The following CLIP3 variants were observed in gnomAD, a reference collection of about 807,000 sequenced individuals.
CLIP3 encodes the protein CAP-Gly domain containing linker protein 3.
A neutral mutation model predicts 59.4 loss-of-function variants in CLIP3; 15 were observed. That is an observed-to-expected ratio of 0.25 (90% CI 0.17 to 0.39). The LOEUF (loss-of-function observed/expected upper bound fraction) is 0.39. Ranked by LOEUF, CLIP3 falls within the 10% of genes least tolerant of loss-of-function variation. The pLI is 1.00. For missense variants in CLIP3, 495 were observed against 765.7 expected, an observed-to-expected ratio of 0.65 and a Z score of 4.17; for synonymous variants, 300 against 321.6, an observed-to-expected ratio of 0.93 and a Z score of 0.72.
intron 7 of CLIP3, among the ~76,000 whole-genome samples, chr19:36,021,886 AT>A (rs1369484218): frequency 2.0e-5 from 3 of 149,976 alleles, no homozygotes; most frequent in Non-Finnish European, 3.0e-5. Context: ...TTATTTATTT[AT>A]TTTTTTTTGG....
rs1262183067 is a variant in CLIP3 at position 36,016,006 on chromosome 19, A to T, written c.*152T>A. ...GGGGGTTATTATGGGAGTATCTGTT[A>T]ATAATGGGGCCTCAATGATCGAGGG... On this transcript the variant is annotated 3_prime_UTR_variant, in exon 14 of 14. Transcript: ENST00000360535. The surrounding 1 kb of genome is among the most constrained non-coding windows in gnomAD (Gnocchi z 4.1). 3 of 749,152 alleles carry T rather than the reference A, an allele frequency of 4.0e-6. No homozygotes were observed. The highest frequency in any genetic ancestry group is 7.0e-6 in the Non-Finnish European group (3 of 430,278). The allele number at this position is 749,152 out of a possible 1,614,324, so 46.4% of individuals were successfully genotyped here. A position where few individuals can be genotyped will look rare whatever the true frequency, so the allele number is the denominator to read the frequency against.
At chr19:36,030,319 C>T (rs766796147) in intron 2 of CLIP3, among the ~76,000 whole-genome samples, 18 of 152,156 alleles carry the variant, frequency 1.2e-4, no homozygotes, top group Admixed American at 6.6e-4. Flanking sequence ...TCCTAGAGTG[C>T]TAGGATTATA....
At position 36,016,290 on chromosome 19, in the gene CLIP3, C is replaced by A. The variant is rs1968797639; in HGVS notation, c.1590-78G>T. The A allele has an allele frequency of 6.5e-7, 1 of 1,532,874 alleles. No homozygotes were observed. Among genetic ancestry groups the A allele is most frequent in the East Asian group, 2.3e-5 (1 of 43,910 alleles). 95.0% of individuals were successfully genotyped at this position (1,532,874 alleles called of 1,614,324 possible). A position where few individuals can be genotyped will look rare whatever the true frequency, so the allele number is the denominator to read the frequency against. On this transcript the variant is annotated intron_variant, in intron 13 of 13. Transcript: ENST00000360535. This position sits in a 1 kb window ranked among gnomAD's most constrained non-coding sequence, Gnocchi z 4.1. ...GCACCCATCACCCCCAGCCTTTCCC[C>A]CAGTGTTTGCTATCAGGCCTTTCTG... is the stretch of plus-strand genomic sequence containing the variant.
chr19:36,020,091 G>A (rs2145393796), intron 7 of CLIP3, among the ~76,000 whole-genome samples: 1 of 151,868 alleles, frequency 6.6e-6, no homozygotes, highest in Non-Finnish European at 1.5e-5. Flanking sequence ...CTCTATAAAA[G>A]AAAGAAAAAA....
chr19:36,026,329 C>G lies in CLIP3; in HGVS notation c.563-64G>C, dbSNP rs971976041. 2.1e-6 allele frequency: 3 copies of G among 1,412,050 alleles called. No individual in the cohort carries two copies. The allele number at this position is 1,412,050 out of a possible 1,614,324, so 87.5% of individuals were successfully genotyped here. On this transcript the variant is annotated intron_variant, in intron 5 of 13. Transcript: ENST00000360535. The surrounding 1 kb of genome is among the most constrained non-coding windows in gnomAD (Gnocchi z 6.3). The stretch of plus-strand genomic sequence containing the variant: ...TGTGGGACCCCAGCCCTCCTCCCAC[C>G]TCGGGGCTCATCTCTTAACTTGCAG...
chr19:36,028,364 A>C (rs1462507945), intron 2 of CLIP3, among the ~76,000 whole-genome samples: 1 of 152,106 alleles, frequency 6.6e-6, no homozygotes, highest in African/African-American at 2.4e-5. Flanking sequence ...AATAAATAAA[A>C]ATGAAAATAA....
In CLIP3 at chr19:36,019,157, G is replaced by C. The variant is rs370537080; in HGVS notation, c.1054+14C>G. 1.9e-6 allele frequency: 3 copies of C among 1,613,832 alleles called. No homozygotes were observed. The highest frequency in any genetic ancestry group is 1.7e-4 in the Middle Eastern group (1 of 6,060). On this transcript the variant is annotated intron_variant, in intron 8 of 13. Coordinates refer to ENST00000360535, the MANE Select transcript of CLIP3 (RefSeq NM_015526.3). ...ACCCAGCCACACCCCTCTTGGGCCC[G>C]AGGTCGGACTAACCCTGCTTGGGAG... is the stretch of plus-strand genomic sequence containing the variant.
In CLIP3 at chr19:36,024,645, G is replaced by C. The variant is rs1202963644; in HGVS notation, c.682-13C>G. The C allele has an allele frequency of 1.2e-6, 2 of 1,612,340 alleles. No homozygotes were observed. Among genetic ancestry groups the C allele is most frequent in the African/African-American group, 1.3e-5 (1 of 74,912 alleles). ...GTCCTTTTCGATTCTGGGGGCCAAT[G>C]GGAAAAGAAGGCAGGGACTCAGTGG... On this transcript the variant is annotated splice_polypyrimidine_tract_variant and intron_variant, in intron 6 of 13. Transcript: ENST00000360535.
At chr19:36,031,023 C>CTTTTTTTTT (rs55762943) in intron 2 of CLIP3, among the ~76,000 whole-genome samples, 106 of 80,166 alleles carry the variant, frequency 1.3e-3, no homozygotes, top group African/African-American at 4.5e-3. Context: ...TTTTTTTTTT[C>CTTTTTTTTT]TTTTTTTTTT....
intron 7 of CLIP3, among the ~76,000 whole-genome samples, chr19:36,022,696 G>A (rs1599697868): frequency 2.0e-5 from 3 of 151,914 alleles, no homozygotes; most frequent in African/African-American, 7.3e-5. Context: ...CAAGGCGGGC[G>A]AATCGCTTGA....
intron 2 of CLIP3, among the ~76,000 whole-genome samples, chr19:36,030,460 C>T (rs1490547883): frequency 6.6e-6 from 1 of 152,178 alleles, no homozygotes; most frequent in Non-Finnish European, 1.5e-5. Context: ...ATCCTGGCAA[C>T]GCTGACTCTC....
Position 36,026,742 on chromosome 19 carries a change from G to A in CLIP3, c.406C>T (p.Pro136Ser). The A allele has an allele frequency of 6.3e-7, 1 of 1,595,626 alleles. No individual in the cohort carries two copies. The highest frequency in any genetic ancestry group is 8.5e-7 in the Non-Finnish European group (1 of 1,175,040). ...TGCGAGAGGCGCACGGCTGCCGCGG[G>A]GTCCCCTGCGCGATAGGCCGGGTCA... is the stretch of plus-strand genomic sequence containing the variant. ...CKAGAHGVGD[P>S]AAAVRLSQQL... is the part of the protein sequence containing the mutation. The change falls in exon 5 of 14, where the codon CCC (proline) becomes TCC (serine). Residue 136 changes from proline to serine, a missense_variant. Coordinates refer to ENST00000360535, the MANE Select transcript of CLIP3 (RefSeq NM_015526.3). This position sits in a 1 kb window ranked among gnomAD's most constrained non-coding sequence, Gnocchi z 6.3.
At chr19:36,023,171 G>A (rs1482947404) in intron 7 of CLIP3, among the ~76,000 whole-genome samples, 2 of 152,192 alleles carry the variant, frequency 1.3e-5, no homozygotes, top group African/African-American at 4.8e-5. Context: ...TCTGGGAGGT[G>A]GAGGTTGCTG....
chr19:36,018,836 C>T, intron 9 of CLIP3, 62 bp downstream of exon 9: 1 of 1,551,946 alleles, frequency 6.4e-7, no homozygotes, highest in Non-Finnish European at 8.7e-7. Flanking sequence ...GTCACAGAAG[C>T]TGAGCTACCC....
intron 7 of CLIP3, 44 bp downstream of exon 7, chr19:36,024,352 T>G: frequency 1.3e-6 from 2 of 1,525,718 alleles, no homozygotes; most frequent in Non-Finnish European, 1.8e-6. Flanking sequence ...AGGGGCTGAG[T>G]CCCACCCCCA....
At chr19:36,031,008 C>CTTTTTTTTTTTTTTCTTTTT (rs1196286069) in intron 2 of CLIP3, among the ~76,000 whole-genome samples, 79 of 77,828 alleles carry the variant, frequency 1.0e-3, no homozygotes, top group Non-Finnish European at 1.5e-3. Context: ...TTTTTCTTTT[C>CTTTTTTTTTTTTTTCTTTTT]TTTTTTTTTT....
chr19:36,025,048 A>G (rs62109712), intron 6 of CLIP3, among the ~76,000 whole-genome samples: 25,160 of 151,050 alleles, frequency 0.17, 2,447 homozygotes, highest in Middle Eastern at 0.26. Context: ...CCTGGGTGAC[A>G]GAGCGAGACT....
chr19:36,017,975 T>C lies in CLIP3; in HGVS notation c.1200A>G (p.Pro400=), dbSNP rs1968847136. 2 of 1,613,862 alleles carry C rather than the reference T, an allele frequency of 1.2e-6. No individual in the cohort carries two copies. Among genetic ancestry groups the C allele is most frequent in the South Asian group, 1.1e-5 (1 of 91,080 alleles). ...GCAAGCTGCCCAGAGATGGGGATGA[T>C]GGGGTCTTCTTCTTGCCTAAGGGTA... is the stretch of plus-strand genomic sequence containing the variant. The part of the protein sequence containing the change: ...RREHKGKKKT[P]SSPSLGSLQQ... The change falls in exon 10 of 14, where the codon CCA becomes CCG. Residue 400 remains proline (P), a synonymous_variant. Coordinates refer to ENST00000360535, the MANE Select transcript of CLIP3 (RefSeq NM_015526.3).
rs1314965200 is a variant in CLIP3, at chr19:36,024,729, G to A, written c.682-97C>T. The A allele has an allele frequency of 4.2e-6, 5 of 1,198,964 alleles. No homozygotes were observed. In the South Asian group the frequency reaches 7.0e-5, roughly 17 times the overall value. 74.3% of individuals were successfully genotyped at this position (1,198,964 alleles called of 1,614,324 possible). A position where few individuals can be genotyped will look rare whatever the true frequency, so the allele number is the denominator to read the frequency against. On this transcript the variant is annotated intron_variant, in intron 6 of 13. Transcript: ENST00000360535. ...AGAGACCACCAGTCTGGGTGATGCA[G>A]GGGTAAGACTAGGTCATATCCTGGG...
Sources: allele counts gnomAD v4.1 joint callset (sites outside exome capture counted in the v4.1 genomes callset), GRCh38; gene constraint gnomAD v4.1.1; non-coding constraint Gnocchi (gnomAD v3.1); transcripts MANE v1.5; gene names NCBI Gene and HGNC (gene_info 2026-07-23, HGNC 2026-07-21).